FAM184A: variants seen among roughly 807,000 people sequenced by gnomAD.
FAM184A encodes the protein family with sequence similarity 184 member A.
Under a neutral mutation model 143.8 loss-of-function variants are expected in FAM184A, and 99 were observed. That is an observed-to-expected ratio of 0.69 (90% CI 0.58 to 0.81). FAM184A has a LOEUF of 0.81. FAM184A is among the 40% of genes least tolerant of loss of function. FAM184A has a pLI of 0.00. For synonymous variants in FAM184A, 427 were observed against 446.4 expected, an observed-to-expected ratio of 0.96 and a Z score of 0.55; for missense variants, 1,217 against 1,310.5, an observed-to-expected ratio of 0.93 and a Z score of 1.10.
rs1033658732 is a variant in FAM184A at position 119,003,655 on chromosome 6, A to T, written c.1816-33T>A. 3.2e-6 allele frequency: 5 copies of T among 1,569,476 alleles called. No homozygotes were observed. The Admixed American group carries it at 7.7e-5, about 24-fold the overall frequency. On this transcript the variant is annotated intron_variant, in intron 7 of 17. Coordinates refer to ENST00000338891, the MANE Select transcript of FAM184A (RefSeq NM_024581.6). Reference sequence around the variant, plus strand: ...ATAAAAACTTTTCAATGAAGACTAAACTTCAAAAACAAACACTGCTGGTTA... The same window carrying T: ...ATAAAAACTTTTCAATGAAGACTAATCTTCAAAAACAAACACTGCTGGTTA...
At chr6:119,134,848 G>T (rs1231142885) in intron 1 of FAM184A, among the ~76,000 whole-genome samples, 1 of 152,006 alleles carries the variant, frequency 6.6e-6, no homozygotes, top group East Asian at 1.9e-4. Flanking sequence ...AAATCATGTT[G>T]GCTCTCCTCA....
chr6:118,983,786 A>G (rs541556480), intron 9 of FAM184A, among the ~76,000 whole-genome samples: 106 of 152,114 alleles, frequency 7.0e-4, no homozygotes, highest in Non-Finnish European at 1.3e-3. Flanking sequence ...GTCTTTTTGA[A>G]AATAAAGTTT....
chr6:119,038,946 A>G (rs2114723188), intron 1 of FAM184A, among the ~76,000 whole-genome samples: 1 of 152,354 alleles, frequency 6.6e-6, no homozygotes, highest in Admixed American at 6.5e-5. Context: ...TACAAAGAAC[A>G]CTTACAACTC....
intron 1 of FAM184A, among the ~76,000 whole-genome samples, chr6:119,106,474 C>G (rs1448714678): frequency 6.6e-6 from 1 of 152,356 alleles, no homozygotes; most frequent in East Asian, 1.9e-4. Context: ...GGCTATTACT[C>G]AGAGTGGGAC....
At chr6:119,047,326 C>T (rs1034545919) in intron 1 of FAM184A, among the ~76,000 whole-genome samples, 1 of 152,072 alleles carries the variant, frequency 6.6e-6, no homozygotes, top group Non-Finnish European at 1.5e-5. Flanking sequence ...TTTGGAGGTT[C>T]CTCAAAAAAC....
intron 1 of FAM184A, among the ~76,000 whole-genome samples, chr6:119,133,920 G>T (rs1217651137): frequency 6.6e-6 from 1 of 151,428 alleles, no homozygotes; most frequent in Non-Finnish European, 1.5e-5. Flanking sequence ...GGGCTCAAGT[G>T]ATCTTCCTGC....
chr6:119,034,580 T>TTA lies in FAM184A; in HGVS notation c.160-9768_160-9767insTA, dbSNP rs1554270313. Among the ~76,000 whole-genome samples the TTA allele has an allele frequency of 1.9e-3, 286 of 148,226 alleles. 3 individuals carry two copies. Among genetic ancestry groups the TTA allele is most frequent in the South Asian group, 0.017 (78 of 4,718 alleles). On this transcript the variant is annotated intron_variant, in intron 1 of 17. Transcript: ENST00000338891. ...TTTAATATATAGTTTTTTTTTTTTTTAAAAAAACCTTTGCTTTTTGTTTTT... is the reference window on the plus strand; with the variant it reads ...TTTAATATATAGTTTTTTTTTTTTTTTAAAAAAAACCTTTGCTTTTTGTTTTT...
intron 1 of FAM184A, among the ~76,000 whole-genome samples, chr6:119,128,153 G>A (rs1415970696): frequency 6.6e-6 from 1 of 152,178 alleles, no homozygotes; most frequent in Non-Finnish European, 1.5e-5. Flanking sequence ...CTTTGTAGCA[G>A]TAAGGTATGC....
Position 119,022,930 on chromosome 6 carries a change from T to C in FAM184A, c.1150+15A>G. 1 of 1,613,704 alleles carries C rather than the reference T, an allele frequency of 6.2e-7. No homozygotes were observed. Among genetic ancestry groups the C allele is most frequent in the Middle Eastern group, 1.7e-4 (1 of 6,058 alleles). ...TTTAGCTAAGCATTACATCAAAAAC[T>C]GTGGTCACACATACTAGCTTTGAGG... On this transcript the variant is annotated intron_variant, in intron 3 of 17. Transcript: ENST00000338891.
chr6:119,109,989 T>C (rs1788889402), intron 1 of FAM184A, among the ~76,000 whole-genome samples: 1 of 152,232 alleles, frequency 6.6e-6, no homozygotes. Flanking sequence ...AACTCATCGA[T>C]GCATCCCAGG....
chr6:118,960,979 C>T (rs936479241), intron 17 of FAM184A: 1 of 368,600 alleles, frequency 2.7e-6, no homozygotes, highest in Non-Finnish European at 4.9e-6. Context: ...TAATCATTAA[C>T]TATGTCACTA....
intron 1 of FAM184A, among the ~76,000 whole-genome samples, chr6:119,127,960 A>G (rs189666431): frequency 6.6e-6 from 1 of 152,320 alleles, no homozygotes; most frequent in Admixed American, 6.5e-5. Context: ...TCAACCAACT[A>G]AATGGACCCC....
At chr6:118,967,052 T>C in intron 14 of FAM184A, 100 bp from the exon 15 acceptor site, 3 of 583,664 alleles carry the variant, frequency 5.1e-6, no homozygotes, top group African/African-American at 1.9e-5. Context: ...CACACAAAAA[T>C]CTGAAACAAA....
chr6:119,044,031 T>C (rs1786436573), intron 1 of FAM184A, among the ~76,000 whole-genome samples: 1 of 152,048 alleles, frequency 6.6e-6, no homozygotes, highest in African/African-American at 2.4e-5. Flanking sequence ...AAACAGAGAA[T>C]AGAAAACAGT....
intron 1 of FAM184A, among the ~76,000 whole-genome samples, chr6:119,120,709 T>C (rs1789187015): frequency 1.3e-5 from 2 of 152,198 alleles, no homozygotes; most frequent in Non-Finnish European, 2.9e-5. Flanking sequence ...GGGTGTGAAA[T>C]AGGATCTAGT....
At chr6:119,144,599 A>G (rs1772361865) in intron 1 of FAM184A, among the ~76,000 whole-genome samples, 1 of 152,222 alleles carries the variant, frequency 6.6e-6, no homozygotes, top group African/African-American at 2.4e-5. Flanking sequence ...AGACTTGGGG[A>G]ACAAACTCTT....
At chr6:119,019,207 G>A (rs1286785093) in intron 4 of FAM184A, among the ~76,000 whole-genome samples, 1 of 152,140 alleles carries the variant, frequency 6.6e-6, no homozygotes, top group Non-Finnish European at 1.5e-5. Flanking sequence ...AGGCCAAGGA[G>A]GTACGAGAAA....
chr6:119,003,112 AG>A (rs1403234339), intron 8 of FAM184A, 63 bp from the exon 9 acceptor site: 1 of 1,415,740 alleles, frequency 7.1e-7, no homozygotes, highest in African/African-American at 1.4e-5. Context: ...ACTGTAATAG[AG>A]TCTACAGGTT....
intron 1 of FAM184A, among the ~76,000 whole-genome samples, chr6:119,148,269 G>C (rs1891539): frequency 2.5e-4 from 38 of 151,736 alleles, no homozygotes; most frequent in Non-Finnish European, 2.9e-4. Flanking sequence ...GAGGTGCATG[G>C]AATGCCTGTC....
Sources: gnomAD v4.1 joint callset for allele counts (sites outside exome capture counted in the v4.1 genomes callset) on GRCh38, gnomAD v4.1.1 for gene constraint, MANE v1.5 for transcripts, NCBI Gene and HGNC (gene_info 2026-07-23, HGNC 2026-07-21) for gene names.